Variants in ATRNL1 observed in about 807,000 individuals in gnomAD.
ATRNL1 encodes attractin like 1, also known as attractin-like protein 1.
ATRNL1 carries 95 observed loss-of-function variants against 182.7 expected under a neutral mutation model. That is an observed-to-expected ratio of 0.52 (90% CI 0.44 to 0.62). The LOEUF (loss-of-function observed/expected upper bound fraction) is 0.62. Among genes scored for constraint, ATRNL1 ranks in the 20% least tolerant of loss-of-function variants. The pLI, the probability that ATRNL1 is intolerant of heterozygous loss-of-function variation, is 0.00. For missense variants in ATRNL1, 1,471 were observed against 1,679.5 expected (o/e 0.88, Z 2.17); for synonymous variants, 576 against 568.3 (o/e 1.01, Z -0.19).
intron 26 of ATRNL1, among the ~76,000 whole-genome samples, chr10:115,577,732 T>A (rs981718596): frequency 6.6e-6 from 1 of 151,598 alleles, no homozygotes; most frequent in Non-Finnish European, 1.5e-5. Flanking sequence ...TCAATTTTGA[T>A]ACCTTTAATT....
chr10:115,742,893 T>C (rs1948178709), intron 27 of ATRNL1, among the ~76,000 whole-genome samples: 1 of 152,088 alleles, frequency 6.6e-6, no homozygotes. Flanking sequence ...GACTGGGTAA[T>C]TTACAAAGGA....
At chr10:115,805,559 T>TAA (rs1402136967) in intron 27 of ATRNL1, among the ~76,000 whole-genome samples, 4 of 151,570 alleles carry the variant, frequency 2.6e-5, no homozygotes, top group Non-Finnish European at 5.9e-5. Context: ...TTGACTCTGT[T>TAA]ATACTAAGAG....
intron 27 of ATRNL1, among the ~76,000 whole-genome samples, chr10:115,729,470 C>T (rs1353904457): frequency 2.7e-5 from 4 of 146,618 alleles, no homozygotes; most frequent in Admixed American, 6.8e-5. Flanking sequence ...ACTGTTCTAC[C>T]AAGGCTTATT....
chr10:115,856,428 CAAA>C (rs572743389), intron 28 of ATRNL1, among the ~76,000 whole-genome samples: 15 of 22,534 alleles, frequency 6.7e-4, no homozygotes, highest in South Asian at 3.8e-3. Flanking sequence ...AGCTCCATCT[CAAA>C]AAAAAAAAAA....
chr10:115,232,774 A>G (rs535400650), intron 9 of ATRNL1, among the ~76,000 whole-genome samples: 2 of 152,256 alleles, frequency 1.3e-5, no homozygotes, highest in South Asian at 4.1e-4. Flanking sequence ...CCATTCCATT[A>G]GTGGTCTGCA....
At chr10:115,228,095 G>T (rs1849769979) in intron 9 of ATRNL1, among the ~76,000 whole-genome samples, 1 of 151,996 alleles carries the variant, frequency 6.6e-6, no homozygotes, top group South Asian at 2.1e-4. Context: ...AGTTCAATTT[G>T]ACTTCTTATA....
chr10:115,535,977 T>A (rs954826270), intron 25 of ATRNL1, among the ~76,000 whole-genome samples: 4 of 150,516 alleles, frequency 2.7e-5, no homozygotes, highest in Non-Finnish European at 5.9e-5. Context: ...AAGTTTTGTC[T>A]CAGAGGATTA....
At chr10:115,732,052 T>G (rs1414981848) in intron 27 of ATRNL1, among the ~76,000 whole-genome samples, 1 of 152,208 alleles carries the variant, frequency 6.6e-6, no homozygotes, top group Admixed American at 6.6e-5. Context: ...CACAGTTTGT[T>G]TGTACATTAA....
intron 8 of ATRNL1, among the ~76,000 whole-genome samples, chr10:115,215,356 C>G (rs1849188475): frequency 6.6e-6 from 1 of 152,184 alleles, no homozygotes; most frequent in African/African-American, 2.4e-5. Flanking sequence ...CTAACTGTCA[C>G]ATAGTAGGCT....
At chr10:115,604,824 G>A (rs1555017123) in intron 26 of ATRNL1, among the ~76,000 whole-genome samples, 1 of 152,028 alleles carries the variant, frequency 6.6e-6, no homozygotes, top group Admixed American at 6.6e-5. Context: ...TATTTATGGC[G>A]GGAGGTTAAA....
In ATRNL1 at chr10:115,162,598, T is replaced by TA. The variant is rs1315872327; in HGVS notation, c.1004+2385dup. 4.6e-5 allele frequency among the ~76,000 whole-genome samples: 7 copies of TA among 151,364 alleles called. No homozygotes were observed. In the Admixed American group the frequency reaches 4.6e-4, roughly 10 times the overall value. The stretch of plus-strand genomic sequence containing the variant: ...GTGTTGATCCATATTTTAAAAGTGT[T>TA]ACCATGGCGGTTTATTGATGATATA... On this transcript the variant is annotated intron_variant, in intron 6 of 28. Transcript: ENST00000355044.
intron 27 of ATRNL1, among the ~76,000 whole-genome samples, chr10:115,736,931 C>T (rs545047316): frequency 6.6e-6 from 1 of 151,922 alleles, no homozygotes; most frequent in Non-Finnish European, 1.5e-5. Flanking sequence ...CCATGCCTGG[C>T]TAATTTTTGT....
chr10:115,165,528 T>G (rs1554884160), intron 6 of ATRNL1, 30 bp from the exon 7 acceptor site: 1 of 1,279,990 alleles, frequency 7.8e-7, no homozygotes, highest in Non-Finnish European at 1.1e-6. Flanking sequence ...AATCTTAGCT[T>G]ATGAAGTTAT....
At chr10:115,706,829 A>G (rs1946914474) in intron 26 of ATRNL1, among the ~76,000 whole-genome samples, 1 of 151,918 alleles carries the variant, frequency 6.6e-6, no homozygotes, top group Admixed American at 6.6e-5. Flanking sequence ...GAGAACAGCT[A>G]CACATAATCA....
intron 26 of ATRNL1, among the ~76,000 whole-genome samples, chr10:115,648,351 A>G (rs191321775): frequency 3.8e-4 from 58 of 152,312 alleles, no homozygotes; most frequent in African/African-American, 1.4e-3. Flanking sequence ...GATAGAAAGA[A>G]TCAATACCAT....
intron 21 of ATRNL1, among the ~76,000 whole-genome samples, chr10:115,441,840 C>T (rs868983124): frequency 6.6e-6 from 1 of 151,872 alleles, no homozygotes; most frequent in East Asian, 1.9e-4. Flanking sequence ...ATTCCAAAGA[C>T]TTCTTTGAGC....
In ATRNL1 at chr10:115,453,048, T is replaced by C. The variant is rs1005473697; in HGVS notation, c.3323-8893T>C. Among the ~76,000 whole-genome samples the C allele has an allele frequency of 3.3e-5, 5 of 152,282 alleles. No homozygotes were observed. The South Asian group carries it at 6.2e-4, about 19-fold the overall frequency. On this transcript the variant is annotated intron_variant, in intron 21 of 28. Transcript: ENST00000355044. ...TTCCATCCTTTTTAATGCTGAACAATATTTAATTGTATGTATATACTACAG... is the reference window on the plus strand; with the variant it reads ...TTCCATCCTTTTTAATGCTGAACAACATTTAATTGTATGTATATACTACAG...
intron 27 of ATRNL1, among the ~76,000 whole-genome samples, chr10:115,835,626 G>T (rs1295299817): frequency 6.6e-6 from 1 of 152,168 alleles, no homozygotes; most frequent in Non-Finnish European, 1.5e-5. Context: ...ATTGGGCCTT[G>T]GCCCAGTCAC....
At chr10:115,511,661 C>A (rs1156339324) in intron 24 of ATRNL1, among the ~76,000 whole-genome samples, 2 of 151,892 alleles carry the variant, frequency 1.3e-5, no homozygotes, top group Non-Finnish European at 2.9e-5. Context: ...TATTAATCTA[C>A]TTCTCTGTCC....
Sources: gnomAD v4.1 joint callset for allele counts (sites outside exome capture counted in the v4.1 genomes callset) on GRCh38, gnomAD v4.1.1 for gene constraint, MANE v1.5 for transcripts, NCBI Gene and HGNC (gene_info 2026-07-23, HGNC 2026-07-21) for gene names.